The following RP1 variants were observed in gnomAD, a reference collection of about 807,000 sequenced individuals.
RP1 encodes the protein RP1 axonemal microtubule associated.
In RP1, 16 loss-of-function variants were observed where a neutral mutation model predicts 14.8. The ratio of observed to expected loss-of-function variants is 1.08; its 90% confidence interval spans 0.73 to 1.65. The LOEUF (loss-of-function observed/expected upper bound fraction) is 1.65. RP1 is among the 40% of genes most tolerant of loss of function. The pLI, the probability that RP1 is intolerant of heterozygous loss-of-function variation, is 0.00. For synonymous variants in RP1, 876 were observed against 883.6 expected (o/e 0.99, Z 0.15); for missense variants, 2,631 against 2,535.0 (o/e 1.04, Z -0.81).
intron 24 of RP1, among the ~76,000 whole-genome samples, chr8:54,808,711 A>G (rs187807544): frequency 2.0e-4 from 31 of 152,344 alleles, no homozygotes; most frequent in African/African-American, 7.0e-4. Context: ...AAAAAGAAAA[A>G]TGTTACTCCT....
chr8:54,580,548 A>C (rs7006573), intron 1 of RP1, among the ~76,000 whole-genome samples: 3,393 of 149,164 alleles, frequency 0.023, 129 homozygotes, highest in African/African-American at 0.079. Flanking sequence ...CTCGTGATCC[A>C]CCCCTCTCAG....
At chr8:54,847,677 G>A (rs1049802311) in intron 25 of RP1, among the ~76,000 whole-genome samples, 6 of 152,214 alleles carry the variant, frequency 3.9e-5, no homozygotes, top group African/African-American at 1.4e-4. Flanking sequence ...TCTCTTGGTT[G>A]ATTGCTGATA....
At chr8:54,784,051 C>A (rs1209957640) in intron 24 of RP1, among the ~76,000 whole-genome samples, 1 of 152,098 alleles carries the variant, frequency 6.6e-6, no homozygotes, top group Non-Finnish European at 1.5e-5. Context: ...TGTTCATACC[C>A]ATACATGTTT....
At chr8:54,737,451 T>C (rs1808961026) in intron 18 of RP1, among the ~76,000 whole-genome samples, 1 of 152,210 alleles carries the variant, frequency 6.6e-6, no homozygotes, top group African/African-American at 2.4e-5. Context: ...TAATAGATTC[T>C]TGGGACAATG....
chr8:54,863,044 G>GATATATATAT (rs61233765), intron 27 of RP1, among the ~76,000 whole-genome samples: 4,222 of 101,592 alleles, frequency 0.042, 240 homozygotes, highest in South Asian at 0.06. Flanking sequence ...ATTCCAAATG[G>GATATATATAT]ATATATATAT....
intron 28 of RP1, among the ~76,000 whole-genome samples, chr8:54,866,236 G>A (rs1812456017): frequency 6.6e-6 from 1 of 152,126 alleles, no homozygotes; most frequent in South Asian, 2.1e-4. Flanking sequence ...GTGAACTTGG[G>A]TACCACTCTT....
At chr8:54,801,060 T>G (rs1248821386) in intron 24 of RP1, among the ~76,000 whole-genome samples, 1 of 152,236 alleles carries the variant, frequency 6.6e-6, no homozygotes, top group Admixed American at 6.5e-5. Context: ...TTACTTGGGC[T>G]GAGTTTAAAG....
At chr8:54,746,512 C>A (rs7000259) in intron 19 of RP1, among the ~76,000 whole-genome samples, 1 of 152,030 alleles carries the variant, frequency 6.6e-6, no homozygotes, top group Non-Finnish European at 1.5e-5. Flanking sequence ...TGATTTCAGG[C>A]AATGGGTAGC....
intron 7 of RP1, among the ~76,000 whole-genome samples, chr8:54,671,415 G>A (rs1357746793): frequency 6.6e-6 from 1 of 152,020 alleles, no homozygotes; most frequent in African/African-American, 2.4e-5. Context: ...TTTCAGAAAA[G>A]CTCTGTGTCC....
chr8:54,721,568 G>A (rs112253215), intron 16 of RP1, among the ~76,000 whole-genome samples: 12 of 152,296 alleles, frequency 7.9e-5, no homozygotes, highest in African/African-American at 2.6e-4. Context: ...CAAGACATAA[G>A]AGAGAAATAA....
chr8:54,735,460 T>C (rs767588749), intron 18 of RP1, among the ~76,000 whole-genome samples: 4 of 152,138 alleles, frequency 2.6e-5, no homozygotes, highest in Non-Finnish European at 4.4e-5. Flanking sequence ...TAAACAGCAG[T>C]CATTTTCTCT....
intron 24 of RP1, among the ~76,000 whole-genome samples, chr8:54,788,378 A>G (rs1810378385): frequency 1.3e-5 from 2 of 152,194 alleles, no homozygotes; most frequent in East Asian, 1.9e-4. Context: ...GGGTGTTAGC[A>G]TGTCATTTTG....
At chr8:54,661,603 G>A (rs1291090621) in intron 6 of RP1, among the ~76,000 whole-genome samples, 2 of 152,112 alleles carry the variant, frequency 1.3e-5, no homozygotes, top group Non-Finnish European at 2.9e-5. Flanking sequence ...AGGAGGGAAT[G>A]GAATATGAAA....
chr8:54,578,884 T>C (rs980198741), intron 1 of RP1, among the ~76,000 whole-genome samples: 6 of 152,198 alleles, frequency 3.9e-5, no homozygotes, highest in African/African-American at 1.4e-4. Context: ...GTCGTACATA[T>C]TGTAAGCCAC....
At chr8:54,643,592 C>T (rs1434281402) in intron 3 of RP1, among the ~76,000 whole-genome samples, 1 of 152,216 alleles carries the variant, frequency 6.6e-6, no homozygotes, top group Non-Finnish European at 1.5e-5. Context: ...AGAGTCACCT[C>T]TTGTTTGCTG....
At chr8:54,855,067 T>C (rs998763399) in intron 26 of RP1, among the ~76,000 whole-genome samples, 1 of 152,200 alleles carries the variant, frequency 6.6e-6, no homozygotes, top group Admixed American at 6.5e-5. Flanking sequence ...CGACTCTCCA[T>C]TCTTCAGTCC....
intron 1 of RP1, among the ~76,000 whole-genome samples, chr8:54,584,064 G>T (rs1383853467): frequency 6.6e-6 from 1 of 151,936 alleles, no homozygotes; most frequent in Non-Finnish European, 1.5e-5. Flanking sequence ...GTTTGCTCTT[G>T]CTTCTCTAGT....
At chr8:54,720,441 C>A in intron 16 of RP1, 1 of 776,994 alleles carries the variant, frequency 1.3e-6, no homozygotes, top group Non-Finnish European at 1.9e-6. Flanking sequence ...ATTCCAGAAG[C>A]AATGGAAGGA....
intron 21 of RP1, among the ~76,000 whole-genome samples, chr8:54,758,418 G>T (rs1809559954): frequency 7.2e-6 from 1 of 139,020 alleles, no homozygotes; most frequent in South Asian, 2.7e-4. Context: ...ATCTACAGAG[G>T]AAGGTGCAGG....
Sources: allele counts gnomAD v4.1 joint callset (sites outside exome capture counted in the v4.1 genomes callset), GRCh38; gene constraint gnomAD v4.1.1; transcripts MANE v1.5; gene names NCBI Gene and HGNC (gene_info 2026-07-23, HGNC 2026-07-21).